Variants in MFSD12 observed in about 807,000 individuals in gnomAD.
MFSD12 encodes the protein major facilitator superfamily domain containing 12, also known as major facilitator superfamily domain-containing protein 12.
A neutral mutation model predicts 51.2 loss-of-function variants in MFSD12; 67 were observed. The ratio of observed to expected loss-of-function variants is 1.31; its 90% CI spans 1.08 to 1.60. MFSD12 has a LOEUF of 1.60. Ranked by LOEUF, MFSD12 falls within the 40% of genes most tolerant of loss-of-function variation. The pLI, the probability that MFSD12 is intolerant of heterozygous loss-of-function variation, is 0.00. For synonymous variants in MFSD12, 441 were observed against 316.7 expected (o/e 1.39, Z -4.17); for missense variants, 921 against 673.0 (o/e 1.37, Z -4.08).
chr19:3,540,762 C>T (rs1300808192), downstream of MFSD12, among the ~76,000 whole-genome samples: 1 of 151,482 alleles, frequency 6.6e-6, no homozygotes, highest in African/African-American at 2.4e-5. Context: ...GCCTGTAATC[C>T]CAGCTACTTG....
At chr19:3,541,669 C>T (rs1243441532), downstream of MFSD12, 3 of 985,330 alleles carry the variant, frequency 3.0e-6, no homozygotes, top group African/African-American at 1.7e-5. Context: ...AGTGAATGGG[C>T]TCCCGCAAGT....
At chr19:3,543,186 G>A (rs2030576049), downstream of MFSD12, 2 of 1,527,738 alleles carry the variant, frequency 1.3e-6, no homozygotes, top group East Asian at 4.9e-5. Context: ...AGGGGTCAAA[G>A]CACTCGCTGT....
chr19:3,544,503 C>T lies in MFSD12; in HGVS notation c.*207G>A, dbSNP rs1277841642. 2.1e-6 allele frequency: 3 copies of T among 1,397,466 alleles called. No homozygotes were observed. Among genetic ancestry groups the T allele is most frequent in the East Asian group, 2.6e-5 (1 of 38,676 alleles). 86.6% of individuals were successfully genotyped at this position (1,397,466 alleles called of 1,614,324 possible). A position where few individuals can be genotyped will look rare whatever the true frequency, so the allele number is the denominator to read the frequency against. On this transcript the variant is annotated 3_prime_UTR_variant, in exon 10 of 10. Coordinates refer to ENST00000355415, the MANE Select transcript of MFSD12 (RefSeq NM_174983.5). ...GGATGGATTAGAGTTGAGAATGGGA[C>T]ACCCTCAAAACCCAGGGGGTCCTTG...
rs2031053856 is a variant in MFSD12 at position 3,546,386 on chromosome 19, CAAAGGCCAGGATCACCA to C, written c.1046_1062del (p.Leu349ArgfsTer59). 6.2e-7 allele frequency: 1 copy of C among 1,608,260 alleles called. No homozygotes were observed. The highest frequency in any genetic ancestry group is 8.5e-7 in the Non-Finnish European group (1 of 1,177,996). Reference sequence around the variant, plus strand: ...CCCTCCGCCAGCGCCACCCAGGCGGCAAAGGCCAGGATCACCAGGAGGCCTGAGAAGTAGGTCATCTG... The same window carrying C: ...CCCTCCGCCAGCGCCACCCAGGCGGCGGAGGCCTGAGAAGTAGGTCATCTG... On this transcript the variant is annotated frameshift_variant, in exon 7 of 10. Coordinates refer to ENST00000355415, the MANE Select transcript of MFSD12 (RefSeq NM_174983.5). LOFTEE classifies it high-confidence loss of function.
downstream of MFSD12, among the ~76,000 whole-genome samples, chr19:3,540,772 G>A (rs2030322534): frequency 6.6e-6 from 1 of 151,244 alleles, no homozygotes; most frequent in African/African-American, 2.4e-5. Flanking sequence ...CCAGCTACTT[G>A]GGAGGCTGAG....
chr19:3,545,484 G>T (rs1180167705), intron 8 of MFSD12, among the ~76,000 whole-genome samples: 1 of 152,198 alleles, frequency 6.6e-6, no homozygotes, highest in Non-Finnish European at 1.5e-5. Context: ...CAGGGCTTTG[G>T]CACTACTTGT....
intron 2 of MFSD12, among the ~76,000 whole-genome samples, chr19:3,549,605 C>T (rs1241740923): frequency 3.3e-5 from 5 of 151,748 alleles, no homozygotes; most frequent in South Asian, 2.1e-4. Flanking sequence ...TGCCTGTAGT[C>T]CCAGCTACTC....
Position 3,551,448 on chromosome 19 carries a change from C to A in MFSD12, c.299-254G>T, listed in dbSNP as rs1038771511. 1.3e-5 allele frequency among the ~76,000 whole-genome samples: 2 copies of A among 152,156 alleles called. No homozygotes were observed. Among genetic ancestry groups the A allele is most frequent in the South Asian group, 4.1e-4 (2 of 4,836 alleles). ...AGAAGAAGCCAGGCGCAGGGGGTCC[C>A]CCGGAAACCTGCCCCCCACAGGTGC... On this transcript the variant is annotated intron_variant, in intron 1 of 9. Transcript: ENST00000355415. This position sits in a 1 kb window ranked among gnomAD's most constrained non-coding sequence, Gnocchi z 4.6.
intron 2 of MFSD12, among the ~76,000 whole-genome samples, chr19:3,549,928 A>G (rs2031374608): frequency 6.6e-6 from 1 of 152,046 alleles, no homozygotes; most frequent in Non-Finnish European, 1.5e-5. Flanking sequence ...TGGCTGACAG[A>G]GCGAGATCCT....
At chr19:3,546,233 C>G in intron 7 of MFSD12, 22 bp downstream of exon 7, 3 of 1,606,942 alleles carry the variant, frequency 1.9e-6, no homozygotes, top group Non-Finnish European at 2.6e-6. Context: ...CTCCCCCACC[C>G]CAGCCTGGCT....
chr19:3,546,432 G>T lies in MFSD12; in HGVS notation c.1024-7C>A. 6.3e-7 allele frequency: 1 copy of T among 1,599,560 alleles called. No individual in the cohort carries two copies. Among genetic ancestry groups the T allele is most frequent in the Non-Finnish European group, 8.5e-7 (1 of 1,174,010 alleles). The stretch of plus-strand genomic sequence containing the variant: ...GGCCTGAGAAGTAGGTCATCTGCAG[G>T]GACAGCCCCGGGGTCAGGCCCACAC... On this transcript the variant is annotated splice_region_variant and splice_polypyrimidine_tract_variant and intron_variant, in intron 6 of 9. Coordinates refer to ENST00000355415, the MANE Select transcript of MFSD12 (RefSeq NM_174983.5).
At chr19:3,543,707 TGGGAGGCCA>T, downstream of MFSD12, 1 of 1,506,328 alleles carries the variant, frequency 6.6e-7, no homozygotes, top group East Asian at 2.5e-5. Flanking sequence ...GGTGGGTCCT[TGGGAGGCCA>T]GGGGGACAAG....
At chr19:3,545,124 T>C (rs985734982) in intron 8 of MFSD12, among the ~76,000 whole-genome samples, 185 bp from the exon 9 acceptor site, 20 of 152,298 alleles carry the variant, frequency 1.3e-4, no homozygotes, top group Middle Eastern at 3.4e-3. Flanking sequence ...TGGGCCCTGC[T>C]TCCAGCATCC....
chr19:3,539,023 C>T, intron 4 of MFSD12: 2 of 634,982 alleles, frequency 3.1e-6, no homozygotes, highest in Admixed American at 4.9e-5. Flanking sequence ...GTTAAATACT[C>T]AGAACGACTC....
exon 5 of MFSD12, chr19:3,538,520 A>G: frequency 2.7e-6 from 1 of 368,152 alleles, no homozygotes; most frequent in South Asian, 2.0e-5. Context: ...GACATTTCAT[A>G]GAAGTGGGAT....
downstream of MFSD12, chr19:3,543,825 A>G: frequency 1.3e-6 from 2 of 1,523,016 alleles, no homozygotes; most frequent in Non-Finnish European, 1.8e-6. Context: ...AGTCCCACCT[A>G]CAGTGCTCAA....
Position 3,544,234 on chromosome 19 carries a change from A to T in MFSD12, c.*476T>A, listed in dbSNP as rs1599818243. 7.7e-7 allele frequency: 1 copy of T among 1,297,346 alleles called. No individual in the cohort carries two copies. The highest frequency in any genetic ancestry group is 9.8e-7 in the Non-Finnish European group (1 of 1,022,958). The allele number at this position is 1,297,346 out of a possible 1,614,324, so 80.4% of individuals were successfully genotyped here. A position where few individuals can be genotyped will look rare whatever the true frequency, so the allele number is the denominator to read the frequency against. ...TCTTTATTTGCTGCCAGCAGAGTCC[A>T]CCAAGCCTGCCGGGCAGCCCTGCTG... On this transcript the variant is annotated 3_prime_UTR_variant, in exon 10 of 10. Coordinates refer to ENST00000355415, the MANE Select transcript of MFSD12 (RefSeq NM_174983.5).
downstream of MFSD12, chr19:3,542,572 C>G: frequency 2.5e-6 from 2 of 789,818 alleles, no homozygotes; most frequent in African/African-American, 3.7e-5. Context: ...TTCCTGGGTT[C>G]AAGCGATTCT....
At chr19:3,543,084 C>T (rs2030564414), downstream of MFSD12, 2 of 1,571,886 alleles carry the variant, frequency 1.3e-6, no homozygotes, top group South Asian at 1.2e-5. Flanking sequence ...GTGAGGGGTA[C>T]AGGGCTGAAG....
Sources: gnomAD v4.1 joint callset for allele counts (sites outside exome capture counted in the v4.1 genomes callset) on GRCh38, gnomAD v4.1.1 for gene constraint, Gnocchi (gnomAD v3.1) non-coding constraint, MANE v1.5 for transcripts, NCBI Gene and HGNC (gene_info 2026-07-23, HGNC 2026-07-21) for gene names.